Variants in KCNN4 observed in about 807,000 individuals in gnomAD.
KCNN4 encodes the protein potassium calcium-activated channel subfamily N member 4, also known as intermediate conductance calcium-activated potassium channel protein 4.
KCNN4 carries 31 observed loss-of-function variants against 45.2 expected under a neutral mutation model. The observed-to-expected ratio is 0.69, with a 90% CI of 0.52 to 0.92. KCNN4 has a LOEUF of 0.92. Among genes scored for constraint, KCNN4 ranks in the 40% least tolerant of loss-of-function variants. The probability of loss-of-function intolerance (pLI) is 0.00; values close to 1 mark genes in which losing one functional copy is unlikely to be tolerated. For missense variants in KCNN4, 463 were observed against 574.0 expected (o/e 0.81, Z 1.98); for synonymous variants, 231 against 254.6 (o/e 0.91, Z 0.88).
chr19:43,775,217 C>T (rs1969766936), intron 2 of KCNN4, among the ~76,000 whole-genome samples: 1 of 152,190 alleles, frequency 6.6e-6, no homozygotes, highest in Non-Finnish European at 1.5e-5. Flanking sequence ...GTCCCAGCTT[C>T]TGGGGAGTCT....
rs1244283337 is a variant in KCNN4, at chr19:43,772,680, G to C, written c.684-545C>G. Among the ~76,000 whole-genome samples, 1 of 152,172 alleles carries C rather than the reference G, an allele frequency of 6.6e-6. No homozygotes were observed. The highest frequency in any genetic ancestry group is 2.4e-5 in the African/African-American group (1 of 41,436). On this transcript the variant is annotated intron_variant, in intron 3 of 8. Transcript: ENST00000648319. This position sits in a 1 kb window ranked among gnomAD's most constrained non-coding sequence, Gnocchi z 4.4. ...AGACATTTAAGTCCAGCCATGGAAGGGGTTGAAACATTGAGATTTGTCTAA... is the reference window on the plus strand; with the variant it reads ...AGACATTTAAGTCCAGCCATGGAAGCGGTTGAAACATTGAGATTTGTCTAA...
intron 1 of KCNN4, among the ~76,000 whole-genome samples, chr19:43,777,330 TGTGTGTGTGG>T (rs1969842498): frequency 3.3e-5 from 5 of 151,240 alleles, no homozygotes; most frequent in South Asian, 2.1e-4. Flanking sequence ...TGTGTGGGTG[TGTGTGTGTGG>T]TGTCTAGAAA....
chr19:43,770,329 C>T (rs1013833952), intron 4 of KCNN4, among the ~76,000 whole-genome samples: 1 of 152,158 alleles, frequency 6.6e-6, no homozygotes, highest in African/African-American at 2.4e-5. Flanking sequence ...CTCCCAAGGC[C>T]TTCCAAGGTC....
chr19:43,770,278 TA>T (rs1363443163), intron 4 of KCNN4, among the ~76,000 whole-genome samples: 3 of 152,066 alleles, frequency 2.0e-5, no homozygotes, highest in African/African-American at 7.2e-5. Context: ...TGGTCCCCTC[TA>T]ATCTCCCAGG....
chr19:43,769,688 G>T lies in KCNN4; in HGVS notation c.930+31C>A, dbSNP rs1370684864. On this transcript the variant is annotated intron_variant, in intron 5 of 8. Transcript: ENST00000648319. The surrounding 1 kb of genome is among the most constrained non-coding windows in gnomAD (Gnocchi z 4.4). ...TGGACTCCTGCTTCTTGGAAGAGGG[G>T]TGTCCCATGGGTGCCATATGCCCAT... 6.3e-7 allele frequency: 1 copy of T among 1,580,186 alleles called. No homozygotes were observed. Among genetic ancestry groups the T allele is most frequent in the East Asian group, 2.2e-5 (1 of 44,670 alleles).
At chr19:43,776,784 C>T (rs1332407919) in intron 1 of KCNN4, 148 bp from the exon 2 acceptor site, 4 of 634,906 alleles carry the variant, frequency 6.3e-6, no homozygotes, top group African/African-American at 5.5e-5. Context: ...CTTGATGTGT[C>T]GGTTCTGGAG....
rs1415771955 is a variant in KCNN4, at chr19:43,772,261, C to G, written c.684-126G>C. 3 of 1,006,046 alleles carry G rather than the reference C, an allele frequency of 3.0e-6. No homozygotes were observed. The highest frequency in any genetic ancestry group is 4.3e-6 in the Non-Finnish European group (3 of 704,192). The allele number at this position is 1,006,046 out of a possible 1,614,324, so 62.3% of individuals were successfully genotyped here. A position where few individuals can be genotyped will look rare whatever the true frequency, so the allele number is the denominator to read the frequency against. Reference sequence around the variant, plus strand: ...CCCTCCCTTCCCCTCCCAGTATACACCCATAGTCCTAAGAATCACCTGGAC... The same window carrying G: ...CCCTCCCTTCCCCTCCCAGTATACAGCCATAGTCCTAAGAATCACCTGGAC... On this transcript the variant is annotated intron_variant, in intron 3 of 8. Coordinates refer to ENST00000648319, the MANE Select transcript of KCNN4 (RefSeq NM_002250.3). This position sits in a 1 kb window ranked among gnomAD's most constrained non-coding sequence, Gnocchi z 4.4.
At chr19:43,776,378 CTCATGGT>C (rs1165750817) in intron 2 of KCNN4, among the ~76,000 whole-genome samples, 156 bp downstream of exon 2, 1 of 151,992 alleles carries the variant, frequency 6.6e-6, no homozygotes, top group Non-Finnish European at 1.5e-5. Context: ...TGCCTGTCTG[CTCATGGT>C]TCATCCCATC....
In KCNN4 at chr19:43,780,921, C is replaced by T. The variant is rs202011265; in HGVS notation, c.-60G>A. 45 of 1,562,096 alleles carry T rather than the reference C, an allele frequency of 2.9e-5. No individual in the cohort carries two copies. Among genetic ancestry groups the T allele is most frequent in the African/African-American group, 6.8e-5 (5 of 73,984 alleles). ...GCCCAGGGTCCCCCACCTCGCAGCACGCACAGGGCAGCCACTGTGGCTTGC... is the reference window on the plus strand; with the variant it reads ...GCCCAGGGTCCCCCACCTCGCAGCATGCACAGGGCAGCCACTGTGGCTTGC... On this transcript the variant is annotated 5_prime_UTR_variant, in exon 1 of 9. In the 5' UTR this introduces an upstream ATG that the reference lacks. Transcript: ENST00000648319.
Position 43,777,071 on chromosome 19 carries a change from G to A in KCNN4, c.160-435C>T, listed in dbSNP as rs150838732. 6.4e-3 allele frequency among the ~76,000 whole-genome samples: 972 copies of A among 152,128 alleles called. 4 individuals carry two copies. The highest frequency in any genetic ancestry group is 0.014 in the Admixed American group (220 of 15,286). Reference sequence around the variant, plus strand: ...TGCACTCCAGCCTGGGCAACAGAGCGAGTCTCCGTCTCGAAACAAGCAAGC... The same window carrying A: ...TGCACTCCAGCCTGGGCAACAGAGCAAGTCTCCGTCTCGAAACAAGCAAGC... On this transcript the variant is annotated intron_variant, in intron 1 of 8. Coordinates refer to ENST00000648319, the MANE Select transcript of KCNN4 (RefSeq NM_002250.3).
chr19:43,774,043 A>G lies in KCNN4; in HGVS notation c.683+149T>C. 1.2e-6 allele frequency: 1 copy of G among 853,318 alleles called. No homozygotes were observed. Among genetic ancestry groups the G allele is most frequent in the South Asian group, 1.8e-5 (1 of 55,284 alleles). The allele number at this position is 853,318 out of a possible 1,614,324, so 52.9% of individuals were successfully genotyped here. ...ACCCCAGTTGATGGGAGTGTGGGCAAATTTCAGCCAGCAAGAGGAGAAGGG... is the reference window on the plus strand; with the variant it reads ...ACCCCAGTTGATGGGAGTGTGGGCAGATTTCAGCCAGCAAGAGGAGAAGGG... On this transcript the variant is annotated intron_variant, in intron 3 of 8. Coordinates refer to ENST00000648319, the MANE Select transcript of KCNN4 (RefSeq NM_002250.3). The surrounding 1 kb of genome is among the most constrained non-coding windows in gnomAD (Gnocchi z 5.6).
At chr19:43,776,138 A>G (rs1311378651) in intron 2 of KCNN4, among the ~76,000 whole-genome samples, 2 of 149,140 alleles carry the variant, frequency 1.3e-5, no homozygotes, top group Non-Finnish European at 3.0e-5. Context: ...AAAAAAAAAA[A>G]AAAAAAAAAA....
In KCNN4 at chr19:43,767,557, G is replaced by T; in HGVS notation, c.1270C>A (p.Gln424Lys). ...CCCCTCACCAGCTACTTGGACTGCT[G>T]GCTGGGTTCTGGAAGCTGCCTCGGC... ...LGPRQLPEPS[Q>K]QSK The change falls in exon 8 of 9, where the codon CAG becomes AAG. Residue 424 changes from glutamine to lysine, a missense_variant. Gln to Lys is a moderately conservative substitution (Grantham distance 53, BLOSUM62 1). Coordinates refer to ENST00000648319, the MANE Select transcript of KCNN4 (RefSeq NM_002250.3). 6.2e-7 allele frequency: 1 copy of T among 1,613,794 alleles called. No individual in the cohort carries two copies. The highest frequency in any genetic ancestry group is 8.5e-7 in the Non-Finnish European group (1 of 1,179,972).
chr19:43,776,499 G>A, intron 2 of KCNN4, 42 bp downstream of exon 2: 4 of 1,327,210 alleles, frequency 3.0e-6, no homozygotes, highest in Non-Finnish European at 4.3e-6. Flanking sequence ...GGGCGCTGAG[G>A]GGGTTGGAGG....
intron 4 of KCNN4, among the ~76,000 whole-genome samples, chr19:43,770,226 T>C (rs1260957161): frequency 1.3e-5 from 2 of 152,098 alleles, no homozygotes; most frequent in Non-Finnish European, 2.9e-5. Flanking sequence ...TTCTCTCTCC[T>C]GGACCGTCTC....
rs754962198 is a variant in KCNN4, at chr19:43,780,819, G to A, written c.43C>T (p.Arg15Ter). Residue 15 changes from arginine to a stop codon, truncating the protein, a stop_gained, in exon 1 of 9, where the codon CGA becomes TGA. Coordinates refer to ENST00000648319, the MANE Select transcript of KCNN4 (RefSeq NM_002250.3). LOFTEE classifies it high-confidence loss of function. ...TTCTCCTGCTCCAGCAAGCGCTTTC[G>A]GCGTCTCAAGGCCCCCAGGCCAAGC... ...LVLGLGALRR[R>*]KRLLEQEKSL... 12 of 1,613,906 alleles carry A rather than the reference G, an allele frequency of 7.4e-6. No individual in the cohort carries two copies. The highest frequency in any genetic ancestry group is 3.4e-6 in the Non-Finnish European group (4 of 1,179,930).
At chr19:43,767,248 G>GAGACATTGGATGGACAGCC in intron 8 of KCNN4, 159 bp from the exon 9 acceptor site, 1 of 374,048 alleles carries the variant, frequency 2.7e-6, no homozygotes, top group Non-Finnish European at 5.0e-6. Flanking sequence ...CATTTAGACA[G>GAGACATTGGATGGACAGCC]AGACATTGGA....
intron 7 of KCNN4, 71 bp from the exon 8 acceptor site, chr19:43,767,778 ATGGAACCAATAT>A (rs1230604003): frequency 6.4e-7 from 1 of 1,568,780 alleles, no homozygotes; most frequent in African/African-American, 1.3e-5. Context: ...GCGTAAGGCA[ATGGAACCAATAT>A]TGACCACATC....
At position 43,772,973 on chromosome 19, in the gene KCNN4, T is replaced by C. The variant is rs1325245815; in HGVS notation, c.684-838A>G. 1.3e-5 allele frequency among the ~76,000 whole-genome samples: 2 copies of C among 152,182 alleles called. No individual in the cohort carries two copies. Among genetic ancestry groups the C allele is most frequent in the Non-Finnish European group, 2.9e-5 (2 of 68,034 alleles). On this transcript the variant is annotated intron_variant, in intron 3 of 8. Transcript: ENST00000648319. The surrounding 1 kb of genome is among the most constrained non-coding windows in gnomAD (Gnocchi z 4.4). ...TTCATTAATCCTGATTCTGACCAAT[T>C]TCCCAATTGTGAAAACTAAGATCCT... is the stretch of plus-strand genomic sequence containing the variant.
Sources: gnomAD v4.1 joint callset for allele counts (sites outside exome capture counted in the v4.1 genomes callset) on GRCh38, gnomAD v4.1.1 for gene constraint, Gnocchi (gnomAD v3.1) non-coding constraint, MANE v1.5 for transcripts, NCBI Gene and HGNC (gene_info 2026-07-23, HGNC 2026-07-21) for gene names.